OCRL: variants seen among roughly 807,000 people sequenced by gnomAD.
OCRL encodes the protein OCRL inositol polyphosphate-5-phosphatase, also known as inositol polyphosphate 5-phosphatase OCRL.
OCRL carries 8 observed loss-of-function variants against 78.9 expected under a neutral mutation model. The ratio of observed to expected loss-of-function variants is 0.10; its 90% confidence interval spans 0.06 to 0.18. OCRL has a LOEUF of 0.18. Among genes scored for constraint, OCRL ranks in the 10% least tolerant of loss-of-function variants. OCRL has a pLI of 1.00. For missense variants in OCRL, 454 were observed against 696.7 expected, an observed-to-expected ratio of 0.65 and a Z score of 3.92; for synonymous variants, 240 against 235.4, an observed-to-expected ratio of 1.02 and a Z score of -0.18.
chrX:129,580,661 T>C (rs1297955496), intron 18 of OCRL, among the ~76,000 whole-genome samples: 3 of 111,833 alleles, frequency 2.7e-5, no homozygotes, highest in Non-Finnish European at 5.6e-5. Context: ...TGGGGACATA[T>C]CTGTTGGGAG....
At chrX:129,573,929 CTT>C in intron 15 of OCRL, among the ~76,000 whole-genome samples, 1 of 111,959 alleles carries the variant, frequency 8.9e-6, no homozygotes, top group East Asian at 2.8e-4. Flanking sequence ...TTTATCAAGT[CTT>C]ATTATTAATG....
At chrX:129,550,937 GTT>G (rs113308111) in intron 4 of OCRL, among the ~76,000 whole-genome samples, 2,806 of 96,453 alleles carry the variant, frequency 0.029, 94 homozygotes, top group African/African-American at 0.098. Context: ...ATTTGACAGG[GTT>G]TTTTTTTTTT....
chrX:129,568,711 C>T (rs1299966356), intron 14 of OCRL, among the ~76,000 whole-genome samples: 1 of 112,127 alleles, frequency 8.9e-6, no homozygotes, highest in Non-Finnish European at 1.9e-5. Context: ...GATTTTATTT[C>T]GTCTCTATTA....
intron 22 of OCRL, chrX:129,589,459 G>T (rs1936559497): frequency 3.6e-6 from 1 of 280,718 alleles, no homozygotes; most frequent in African/African-American, 2.8e-5. Flanking sequence ...CCCCATCCAT[G>T]CTAAGTGACA....
intron 14 of OCRL, among the ~76,000 whole-genome samples, chrX:129,568,826 T>C (rs759034063): frequency 8.9e-6 from 1 of 112,630 alleles, no homozygotes; most frequent in African/African-American, 3.2e-5. Flanking sequence ...ATTGGAGTTT[T>C]AGACTTGATT....
intron 12 of OCRL, among the ~76,000 whole-genome samples, chrX:129,564,424 A>G (rs992712159): frequency 9.0e-6 from 1 of 111,148 alleles, no homozygotes; most frequent in Non-Finnish European, 1.9e-5. Context: ...ATGCACACGT[A>G]TGTTTATCGC....
rs532717324 is a variant in OCRL at position 129,557,347 on chromosome X, G to A, written c.261G>A (p.Gln87=). 7 of 1,209,648 alleles carry A rather than the reference G, an allele frequency of 5.8e-6. No homozygotes were observed. In the South Asian group the frequency reaches 1.2e-4, roughly 21 times the overall value. The part of the protein sequence containing the change: ...ASNSGCKIRV[Q]GDWIRERRFE... ...TAGGTGGCTGCAAAATTCGGGTTCAGGGGGACTGGATCAGAGAGCGCCGCT... is the reference window on the plus strand; with the variant it reads ...TAGGTGGCTGCAAAATTCGGGTTCAAGGGGACTGGATCAGAGAGCGCCGCT... Residue 87 remains glutamine (Q), a synonymous_variant, in exon 5 of 24, where the codon CAG becomes CAA. Coordinates refer to ENST00000371113, the MANE Select transcript of OCRL (RefSeq NM_000276.4).
At chrX:129,568,450 A>G (rs1369503065) in intron 14 of OCRL, among the ~76,000 whole-genome samples, 2 of 111,556 alleles carry the variant, frequency 1.8e-5, no homozygotes, top group Non-Finnish European at 3.8e-5. Context: ...ATGGGTGGGG[A>G]GTCGATATTC....
Position 129,592,522 on chromosome X carries a change from A to AT in OCRL, c.*2259dup, listed in dbSNP as rs906615628. On this transcript the variant is annotated 3_prime_UTR_variant, in exon 24 of 24. Transcript: ENST00000371113. ...TCTTTTTTATTATAATTTATTGCAAATTTTTTTCTGAATAAATATATGTTG... is the reference window on the plus strand; with the variant it reads ...TCTTTTTTATTATAATTTATTGCAAATTTTTTTTCTGAATAAATATATGTTG... The AT allele has an allele frequency of 2.7e-5, 3 of 111,418 alleles. No individual in the cohort carries two copies. The highest frequency in any genetic ancestry group is 9.8e-5 in the African/African-American group (3 of 30,501). The allele number at this position is 111,418 out of a possible 1,213,427, so 9.2% of individuals were successfully genotyped here.
intron 18 of OCRL, among the ~76,000 whole-genome samples, chrX:129,576,943 C>G (rs766014192): frequency 1.1e-4 from 12 of 112,018 alleles, no homozygotes; most frequent in Non-Finnish European, 2.3e-4. Flanking sequence ...AACTGAGGCA[C>G]AGAGACATTG....
At chrX:129,542,543 TACTGTTC>T (rs2124385714) in intron 2 of OCRL, among the ~76,000 whole-genome samples, 1 of 111,043 alleles carries the variant, frequency 9.0e-6, no homozygotes, top group African/African-American at 3.3e-5. Flanking sequence ...ATGTGCCAGG[TACTGTTC>T]TAAGCCCTTT....
chrX:129,558,713 C>T lies in OCRL; in HGVS notation c.520C>T (p.His174Tyr), dbSNP rs763153789. ...TTCACAAAATCAGCCTACTGGGATT[C>T]ATCGGGAACCCCCACCTCCACCCTT... ...INSQNQPTGI[H>Y]REPPPPPFSV... The change falls in exon 7 of 24, where the codon CAT becomes TAT. Residue 174 changes from histidine to tyrosine, a missense_variant. Transcript: ENST00000371113. 8.3e-7 allele frequency: 1 copy of T among 1,211,842 alleles called. No individual in the cohort carries two copies. The highest frequency in any genetic ancestry group is 1.1e-6 in the Non-Finnish European group (1 of 895,161).
At chrX:129,572,762 A>C (rs1218032062) in intron 15 of OCRL, among the ~76,000 whole-genome samples, 1 of 111,397 alleles carries the variant, frequency 9.0e-6, no homozygotes, top group Non-Finnish European at 1.9e-5. Context: ...GTGTGGATGC[A>C]TGTGTCCTCA....
In OCRL at chrX:129,557,433, A is replaced by G; in HGVS notation, c.347A>G (p.Lys116Arg). Residue 116 changes from lysine to arginine, a missense_variant and splice_region_variant, in exon 5 of 24, where the codon AAA becomes AGA. Physicochemically the swap from Lys to Arg is conservative, Grantham distance 26. Around this residue, in one of 2 missense-constraint regions of OCRL, gnomAD observed 177 missense variants for 179.6 expected, o/e 0.99. Coordinates refer to ENST00000371113, the MANE Select transcript of OCRL (RefSeq NM_000276.4). ...KFLSAVLAAQ[K>R]AQSQLLVPEQ... ...CTCTCAGCTGTCCTTGCTGCTCAGA[A>G]AGGTAACTAAAGACTCAGCGATTTT... 8.5e-7 allele frequency: 1 copy of G among 1,182,335 alleles called. No individual in the cohort carries two copies. The highest frequency in any genetic ancestry group is 1.8e-5 in the South Asian group (1 of 56,180).
chrX:129,559,728 A>G (rs761773595), intron 8 of OCRL, among the ~76,000 whole-genome samples: 3 of 111,564 alleles, frequency 2.7e-5, no homozygotes, highest in Non-Finnish European at 5.7e-5. Flanking sequence ...GTAAATAAAG[A>G]AAGTTTCACC....
At chrX:129,584,883 CAG>C (rs1936489649) in intron 19 of OCRL, among the ~76,000 whole-genome samples, 1 of 112,119 alleles carries the variant, frequency 8.9e-6, no homozygotes, top group Non-Finnish European at 1.9e-5. Flanking sequence ...TACCTTCAGA[CAG>C]GGTATTTTCT....
chrX:129,575,030 A>T (rs1936350863), intron 15 of OCRL, 110 bp from the exon 16 acceptor site: 1 of 562,234 alleles, frequency 1.8e-6, no homozygotes. Context: ...TTTGCACCAC[A>T]GTTTATTTTA....
chrX:129,562,283 C>T (rs1045273940), intron 10 of OCRL, 101 bp from the exon 11 acceptor site: 19 of 636,831 alleles, frequency 3.0e-5, no homozygotes, highest in South Asian at 1.8e-4. Flanking sequence ...CAGATTTGGG[C>T]ACTAGTATAT....
chrX:129,547,068 A>T (rs755045202), intron 3 of OCRL, among the ~76,000 whole-genome samples: 18 of 110,839 alleles, frequency 1.6e-4, no homozygotes, highest in Admixed American at 8.6e-4. Flanking sequence ...AAATAAAATT[A>T]AAAAAACAAC....
Sources: gnomAD v4.1 joint callset for allele counts (sites outside exome capture counted in the v4.1 genomes callset) on GRCh38, gnomAD v4.1.1 for gene constraint, gnomAD v4.1.1 regional missense constraint, MANE v1.5 for transcripts, NCBI Gene and HGNC (gene_info 2026-07-23, HGNC 2026-07-21) for gene names.